The following CDYL variants were observed in gnomAD, a reference collection of about 807,000 sequenced individuals.
CDYL encodes chromodomain Y like.
In CDYL, 8 loss-of-function variants were observed where a neutral mutation model predicts 47.3. The observed-to-expected ratio is 0.17, with a 90% CI of 0.10 to 0.31. The LOEUF is 0.31. CDYL is among the 10% of genes least tolerant of loss of function. The pLI is 1.00. For missense variants in CDYL, 471 were observed against 701.4 expected (o/e 0.67, Z 3.71); for synonymous variants, 266 against 265.0 (o/e 1.00, Z -0.04).
At chr6:4,724,847 A>C (rs777406336) in intron 2 of CDYL, 3 of 152,176 alleles carry the variant, frequency 2.0e-5, no homozygotes, top group East Asian at 1.9e-4. Context: ...CAAAAAAATA[A>C]AGCTTCCAAA....
At chr6:4,848,562 G>A (rs1231744045) in intron 1 of CDYL, among the ~76,000 whole-genome samples, 2 of 152,230 alleles carry the variant, frequency 1.3e-5, no homozygotes, top group Non-Finnish European at 2.9e-5. Context: ...TTCGACACAG[G>A]AGAGAGTCTG....
intron 1 of CDYL, among the ~76,000 whole-genome samples, chr6:4,874,926 GT>G (rs1361589386): frequency 6.6e-6 from 1 of 152,186 alleles, no homozygotes; most frequent in African/African-American, 2.4e-5. Context: ...TACCCAGCAT[GT>G]TTATCCACTT....
At chr6:4,709,907 G>C (rs1053952605) in intron 1 of CDYL, among the ~76,000 whole-genome samples, 1 of 152,072 alleles carries the variant, frequency 6.6e-6, no homozygotes, top group Non-Finnish European at 1.5e-5. Context: ...ATTCAAGATA[G>C]CTAGCATTTT....
chr6:4,844,097 C>T (rs923528424), intron 1 of CDYL, among the ~76,000 whole-genome samples: 5 of 152,314 alleles, frequency 3.3e-5, no homozygotes, highest in East Asian at 1.9e-4. Flanking sequence ...TGTTTTTTCT[C>T]TTCCGGATCT....
intron 1 of CDYL, among the ~76,000 whole-genome samples, chr6:4,791,983 C>T (rs867414131): frequency 2.7e-5 from 4 of 150,538 alleles, no homozygotes; most frequent in Admixed American, 1.3e-4. Context: ...CCTGGGTTCA[C>T]GCCATTCTCC....
chr6:4,741,001 G>T (rs889913540), intron 3 of CDYL, among the ~76,000 whole-genome samples: 1 of 152,010 alleles, frequency 6.6e-6, no homozygotes, highest in Non-Finnish European at 1.5e-5. Context: ...TGGCCAGGCT[G>T]GTCTCGAACT....
chr6:4,917,131 G>A lies in CDYL; in HGVS notation c.692-18384G>A, dbSNP rs183270284. On this transcript the variant is annotated intron_variant, in intron 2 of 6. Transcript: ENST00000397588. ...GTCTTATCAAATCGTTTGCTTTCAT[G>A]GTTATTCCTTCCTTATGGTTTTGGG... Among the ~76,000 whole-genome samples, 493 of 152,270 alleles carry A rather than the reference G, an allele frequency of 3.2e-3. 1 individual carries two copies. The highest frequency in any genetic ancestry group is 0.011 in the African/African-American group (477 of 41,536).
At chr6:4,777,659 C>G (rs770944739) in intron 1 of CDYL, among the ~76,000 whole-genome samples, 3 of 152,134 alleles carry the variant, frequency 2.0e-5, no homozygotes, top group African/African-American at 4.8e-5. Flanking sequence ...TTAAAACTTG[C>G]GAAGACTCTC....
chr6:4,847,046 G>T (rs1195834958), intron 1 of CDYL, among the ~76,000 whole-genome samples: 3 of 152,150 alleles, frequency 2.0e-5, no homozygotes, highest in African/African-American at 7.2e-5. Flanking sequence ...CCTGCTGTGT[G>T]AACTAATGAG....
intron 2 of CDYL, among the ~76,000 whole-genome samples, chr6:4,919,750 T>C (rs1757658401): frequency 6.6e-6 from 1 of 152,224 alleles, no homozygotes; most frequent in Admixed American, 6.5e-5. Flanking sequence ...TCTTTTCCAA[T>C]AGTTTTATTA....
At chr6:4,772,589 C>G (rs1290107848), upstream of CDYL, among the ~76,000 whole-genome samples, 1 of 152,112 alleles carries the variant, frequency 6.6e-6, no homozygotes, top group Non-Finnish European at 1.5e-5. Flanking sequence ...AATGTTCTTT[C>G]TTTTGAGTGG....
chr6:4,840,340 G>A (rs1000147041), intron 1 of CDYL, among the ~76,000 whole-genome samples: 1 of 152,132 alleles, frequency 6.6e-6, no homozygotes, highest in Non-Finnish European at 1.5e-5. Flanking sequence ...ATATGATCAT[G>A]TCATCAGCAA....
At chr6:4,771,299 A>C (rs1476094550) in intron 3 of CDYL, among the ~76,000 whole-genome samples, 1 of 152,070 alleles carries the variant, frequency 6.6e-6, no homozygotes, top group Non-Finnish European at 1.5e-5. Context: ...TTTTTAGTGG[A>C]GATGGGGTTT....
intron 3 of CDYL, among the ~76,000 whole-genome samples, chr6:4,745,375 A>G (rs1757870960): frequency 6.6e-6 from 1 of 152,148 alleles, no homozygotes; most frequent in Admixed American, 6.5e-5. Context: ...TAGACCAAGT[A>G]TGATTTGAAG....
At chr6:4,896,265 C>T (rs1228441242) in intron 2 of CDYL, among the ~76,000 whole-genome samples, 1 of 152,218 alleles carries the variant, frequency 6.6e-6, no homozygotes, top group Non-Finnish European at 1.5e-5. Flanking sequence ...CAGCAGGCCT[C>T]CTGTGGATTT....
chr6:4,945,004 C>G (rs930789059), intron 5 of CDYL, among the ~76,000 whole-genome samples: 1 of 152,102 alleles, frequency 6.6e-6, no homozygotes, highest in Non-Finnish European at 1.5e-5. Flanking sequence ...TCTGCAGACA[C>G]CCGCAGTGCT....
intron 2 of CDYL, among the ~76,000 whole-genome samples, chr6:4,722,196 T>C (rs1037363369): frequency 6.6e-6 from 1 of 152,128 alleles, no homozygotes; most frequent in Admixed American, 6.6e-5. Context: ...CCAGGCACAG[T>C]AGCTTATACC....
chr6:4,901,224 C>CT (rs1257409448), intron 2 of CDYL, among the ~76,000 whole-genome samples: 6 of 152,030 alleles, frequency 3.9e-5, no homozygotes, highest in African/African-American at 1.5e-4. Flanking sequence ...TCCTTTTGAA[C>CT]TTTAACTGAT....
intron 1 of CDYL, among the ~76,000 whole-genome samples, chr6:4,876,565 G>A (rs1416272097): frequency 6.6e-6 from 1 of 152,118 alleles, no homozygotes; most frequent in Non-Finnish European, 1.5e-5. Flanking sequence ...TTTCCCTCAT[G>A]AACGGTGTGA....
Sources: allele counts gnomAD v4.1 joint callset (sites outside exome capture counted in the v4.1 genomes callset), GRCh38; gene constraint gnomAD v4.1.1; transcripts MANE v1.5; gene names NCBI Gene and HGNC (gene_info 2026-07-23, HGNC 2026-07-21).